TULP4: variants seen among roughly 807,000 people sequenced by gnomAD.
TULP4 encodes the protein tubby-related protein 4.
TULP4 carries 16 observed loss-of-function variants against 129.0 expected under a neutral mutation model. The ratio of observed to expected loss-of-function variants is 0.12; its 90% CI spans 0.08 to 0.19. The LOEUF is 0.19. Among genes scored for constraint, TULP4 ranks in the 10% least tolerant of loss-of-function variants. The probability of loss-of-function intolerance (pLI) is 1.00; values close to 1 mark genes in which losing one functional copy is unlikely to be tolerated. For synonymous variants in TULP4, 998 were observed against 854.0 expected, an observed-to-expected ratio of 1.17 and a Z score of -2.94; for missense variants, 1,842 against 2,059.1, an observed-to-expected ratio of 0.89 and a Z score of 2.04.
intron 1 of TULP4, among the ~76,000 whole-genome samples, chr6:158,353,735 A>G (rs1379903102): frequency 6.6e-6 from 1 of 152,236 alleles, no homozygotes; most frequent in African/African-American, 2.4e-5. Context: ...ATGCACTTTT[A>G]TCTTCTATCT....
chr6:158,242,448 T>C, intron 1 of TULP4: 1 of 1,013,644 alleles, frequency 9.9e-7, no homozygotes, highest in South Asian at 1.3e-5. Flanking sequence ...TAAGCATTCA[T>C]CATAGTGTTC....
At chr6:158,500,408 C>G (rs1467757347) in intron 12 of TULP4, among the ~76,000 whole-genome samples, 1 of 152,200 alleles carries the variant, frequency 6.6e-6, no homozygotes, top group Non-Finnish European at 1.5e-5. Context: ...GCCAGCTTAG[C>G]TTTTGATAAA....
At chr6:158,476,821 C>A (rs111653179) in intron 6 of TULP4, among the ~76,000 whole-genome samples, 1 of 152,118 alleles carries the variant, frequency 6.6e-6, no homozygotes, top group Non-Finnish European at 1.5e-5. Flanking sequence ...TGGAGTATTA[C>A]GCATTCTTTA....
chr6:158,262,873 G>A (rs1329289256), intron 1 of TULP4, among the ~76,000 whole-genome samples: 5 of 152,230 alleles, frequency 3.3e-5, no homozygotes, highest in Non-Finnish European at 1.5e-5. Context: ...GTGTTGGGGT[G>A]AAGCATTCTT....
At chr6:158,457,766 G>A (rs972004550) in intron 5 of TULP4, among the ~76,000 whole-genome samples, 1 of 151,992 alleles carries the variant, frequency 6.6e-6, no homozygotes, top group Non-Finnish European at 1.5e-5. Context: ...ATTTCATTAA[G>A]CACACTGAAA....
chr6:158,280,486 A>G (rs1019053598), upstream of TULP4, among the ~76,000 whole-genome samples: 1 of 152,250 alleles, frequency 6.6e-6, no homozygotes, highest in Non-Finnish European at 1.5e-5. Flanking sequence ...TCTTACAGAA[A>G]TTCTTCAGTG....
At chr6:158,308,745 GCCGGGCGGGGGGCTGA>G (rs1779267178), upstream of TULP4, among the ~76,000 whole-genome samples, 1 of 144,168 alleles carries the variant, frequency 6.9e-6, no homozygotes, top group Non-Finnish European at 1.5e-5. Flanking sequence ...GGGGCGGCTG[GCCGGGCGGGGGGCTGA>G]CCCCCCCACC....
intron 1 of TULP4, among the ~76,000 whole-genome samples, chr6:158,319,794 G>A (rs143244203): frequency 1.3e-3 from 201 of 152,312 alleles, no homozygotes; most frequent in Non-Finnish European, 2.3e-3. Flanking sequence ...CTCACATTGT[G>A]TATTCTGTTG....
At chr6:158,237,775 T>C in intron 1 of TULP4, 1 of 786,484 alleles carries the variant, frequency 1.3e-6, no homozygotes, top group Non-Finnish European at 2.3e-6. Flanking sequence ...AGGAGAATTT[T>C]CAAGAGCCTC....
rs568902573 is a variant in TULP4, at chr6:158,333,668, G to A, written c.252+19400G>A. On this transcript the variant is annotated intron_variant, in intron 1 of 13. Transcript: ENST00000367097. Reference sequence around the variant, plus strand: ...ATATTGGAACAATTTTTAGAGATTTGTGACAATTTGAAAAAATTCACAGAT... The same window carrying A: ...ATATTGGAACAATTTTTAGAGATTTATGACAATTTGAAAAAATTCACAGAT... Among the ~76,000 whole-genome samples, 36 of 152,104 alleles carry A rather than the reference G, an allele frequency of 2.4e-4. 1 individual carries two copies. In the South Asian group the frequency reaches 7.5e-3, roughly 32 times the overall value.
intron 1 of TULP4, among the ~76,000 whole-genome samples, chr6:158,306,396 A>G (rs1779216865): frequency 6.6e-6 from 1 of 152,212 alleles, no homozygotes; most frequent in Admixed American, 6.5e-5. Context: ...GTCTCTTCAA[A>G]AAGTACAAAA....
intron 3 of TULP4, among the ~76,000 whole-genome samples, chr6:158,445,909 A>G (rs530584398): frequency 8.5e-5 from 13 of 152,300 alleles, no homozygotes; most frequent in African/African-American, 3.1e-4. Context: ...CCTTGAGGCT[A>G]CAGGCATGAT....
chr6:158,498,568 G>A, intron 11 of TULP4, 101 bp from the exon 12 acceptor site: 1 of 1,437,124 alleles, frequency 7.0e-7, no homozygotes, highest in Non-Finnish European at 9.6e-7. Context: ...TCTTCTGATG[G>A]CAGGGAAACT....
At chr6:158,364,451 A>G (rs1780877287) in intron 1 of TULP4, among the ~76,000 whole-genome samples, 1 of 152,172 alleles carries the variant, frequency 6.6e-6, no homozygotes, top group Non-Finnish European at 1.5e-5. Context: ...TAGTTCTTAG[A>G]GTAACTATCT....
At position 158,246,023 on chromosome 6, in the gene TULP4, G is replaced by GGTGTGTGTGTGTGTGT. The variant is rs66690741; in HGVS notation, n.68+13745_68+13760dup. On this transcript the variant is annotated intron_variant and non_coding_transcript_variant, in intron 1 of 1. Transcript: ENST00000620026. ...GTGAGTAATTTGCCTACCCCTTAGG[G>GGTGTGTGTGTGTGTGT]GTGTGTGTGTGTGTGTGTGTGTGTG... Among the ~76,000 whole-genome samples, 913 of 145,888 alleles carry GGTGTGTGTGTGTGTGT rather than the reference G, an allele frequency of 6.3e-3. 7 individuals carry two copies. The highest frequency in any genetic ancestry group is 0.011 in the Middle Eastern group (3 of 282).
At chr6:158,454,005 T>TGCCTGC in intron 5 of TULP4, among the ~76,000 whole-genome samples, 4 of 130,408 alleles carry the variant, frequency 3.1e-5, no homozygotes, top group Non-Finnish European at 4.7e-5. Context: ...GCAAGAATCA[T>TGCCTGC]ACCTGCCTCT....
At chr6:158,263,716 A>G (rs1778391921) in intron 1 of TULP4, among the ~76,000 whole-genome samples, 1 of 152,114 alleles carries the variant, frequency 6.6e-6, no homozygotes, top group Non-Finnish European at 1.5e-5. Flanking sequence ...TGTTTGCACC[A>G]CTGCACTTCA....
chr6:158,368,650 G>C (rs1330223448), intron 1 of TULP4, among the ~76,000 whole-genome samples: 17 of 152,172 alleles, frequency 1.1e-4, no homozygotes, highest in Admixed American at 1.1e-3. Context: ...TCTGCACACA[G>C]AGCCTTCGTC....
intron 1 of TULP4, among the ~76,000 whole-genome samples, chr6:158,272,826 A>G (rs1392656028): frequency 6.6e-6 from 1 of 152,272 alleles, no homozygotes. Context: ...TTACTATAGT[A>G]GATGTGTAGT....
Sources: gnomAD v4.1 joint callset for allele counts (sites outside exome capture counted in the v4.1 genomes callset) on GRCh38, gnomAD v4.1.1 for gene constraint, MANE v1.5 for transcripts, NCBI Gene and HGNC (gene_info 2026-07-23, HGNC 2026-07-21) for gene names.